Variants in B3GALT1 observed in about 807,000 individuals in gnomAD.
B3GALT1 encodes beta-1,3-galactosyltransferase 1, also known as UDP-Gal:betaGlcNAc beta 1,3-galactosyltransferase, polypeptide 1.
Under a neutral mutation model 23.2 loss-of-function variants are expected in B3GALT1, and 10 were observed. The observed-to-expected ratio is 0.43, with a 90% CI of 0.27 to 0.73. The LOEUF is 0.73. B3GALT1 is among the 30% of genes least tolerant of loss of function. The probability of loss-of-function intolerance (pLI) is 0.21; values close to 1 mark genes in which losing one functional copy is unlikely to be tolerated. For synonymous variants in B3GALT1, 156 were observed against 141.5 expected, an observed-to-expected ratio of 1.10 and a Z score of -0.73; for missense variants, 299 against 405.4, an observed-to-expected ratio of 0.74 and a Z score of 2.25.
chr2:167,512,555 T>TAC (rs1491248412), intron 2 of B3GALT1, among the ~76,000 whole-genome samples: 37 of 90,730 alleles, frequency 4.1e-4, no homozygotes, highest in East Asian at 2.4e-3. Context: ...TGTATATATA[T>TAC]GTATATATAT....
At chr2:167,625,945 A>G (rs1463424676) in intron 2 of B3GALT1, among the ~76,000 whole-genome samples, 1 of 11,530 alleles carries the variant, frequency 8.7e-5, no homozygotes, top group Non-Finnish European at 3.5e-4. Context: ...ACTAGGCCAT[A>G]TATATATATA....
chr2:167,713,714 A>G, intron 3 of B3GALT1: 1 of 1,526,006 alleles, frequency 6.6e-7, no homozygotes, highest in East Asian at 2.3e-5. Context: ...GGTGGAATCA[A>G]CCCTCAAGGG....
rs1450737221 is a variant in B3GALT1 at position 167,293,074 on chromosome 2, T to G, written c.-771T>G. 6.6e-6 allele frequency: 1 copy of G among 151,188 alleles called. No homozygotes were observed. Among genetic ancestry groups the G allele is most frequent in the African/African-American group, 2.4e-5 (1 of 41,310 alleles). The allele number at this position is 151,188 out of a possible 1,614,324, so 9.4% of individuals were successfully genotyped here. Reference sequence around the variant, plus strand: ...GCCGCGGCTGCTCGGCTAGTGCAGCTGGGCGAGCTCGCGCGGGCGCCGCCG... The same window carrying G: ...GCCGCGGCTGCTCGGCTAGTGCAGCGGGGCGAGCTCGCGCGGGCGCCGCCG... On this transcript the variant is annotated 5_prime_UTR_variant, in exon 1 of 5. Transcript: ENST00000392690.
chr2:167,739,958 G>T (rs1387888145), intron 3 of B3GALT1, among the ~76,000 whole-genome samples: 1 of 150,596 alleles, frequency 6.6e-6, no homozygotes, highest in East Asian at 2.0e-4. Flanking sequence ...AAAAATCTAG[G>T]CGTGGTGGTG....
chr2:167,551,376 G>T (rs571534455), intron 2 of B3GALT1, among the ~76,000 whole-genome samples: 1 of 152,244 alleles, frequency 6.6e-6, no homozygotes, highest in East Asian at 1.9e-4. Flanking sequence ...TTGGATAAGG[G>T]GGTAGAAAAA....
At chr2:167,696,799 G>A (rs904764923) in intron 3 of B3GALT1, among the ~76,000 whole-genome samples, 1 of 152,140 alleles carries the variant, frequency 6.6e-6, no homozygotes, top group African/African-American at 2.4e-5. Context: ...CTTCCAAGAA[G>A]ACTCGTCCAT....
At chr2:167,687,628 A>T (rs1039537613) in intron 3 of B3GALT1, among the ~76,000 whole-genome samples, 5 of 152,186 alleles carry the variant, frequency 3.3e-5, no homozygotes, top group African/African-American at 1.2e-4. Context: ...TATTAAAAAT[A>T]AAGAACATGG....
intron 1 of B3GALT1, among the ~76,000 whole-genome samples, chr2:167,370,826 T>G (rs1697672884): frequency 6.6e-6 from 1 of 152,000 alleles, no homozygotes; most frequent in Non-Finnish European, 1.5e-5. Context: ...CTCAGGAGGC[T>G]GAGGCAGGAG....
chr2:167,769,420 G>A (rs779303972), intron 3 of B3GALT1, among the ~76,000 whole-genome samples: 11 of 152,102 alleles, frequency 7.2e-5, no homozygotes, highest in Non-Finnish European at 1.0e-4. Context: ...TCTTTTTGAA[G>A]TATATGTACA....
chr2:167,331,088 AT>A lies in B3GALT1; in HGVS notation c.-511+37762del, dbSNP rs1446016351. Among the ~76,000 whole-genome samples the A allele has an allele frequency of 3.4e-4, 52 of 152,068 alleles. 2 individuals are homozygous for A. The East Asian group carries it at 8.5e-3, about 25-fold the overall frequency. On this transcript the variant is annotated intron_variant, in intron 1 of 4. Coordinates refer to ENST00000392690, the MANE Select transcript of B3GALT1 (RefSeq NM_020981.4). ...TACAGTAGTACAGTCTGGTGTTATGATTTTTTTTGGGGGGGTATGTAAATAG... is the reference window on the plus strand; with the variant it reads ...TACAGTAGTACAGTCTGGTGTTATGATTTTTTTGGGGGGGTATGTAAATAG...
At chr2:167,454,219 G>A (rs76297390) in intron 1 of B3GALT1, among the ~76,000 whole-genome samples, 3,793 of 140,162 alleles carry the variant, frequency 0.027, 154 homozygotes, top group African/African-American at 0.093. Context: ...GTGCGCACGC[G>A]CGCGTGCACG....
intron 1 of B3GALT1, among the ~76,000 whole-genome samples, chr2:167,336,773 T>C (rs1372476534): frequency 3.9e-5 from 6 of 152,160 alleles, no homozygotes; most frequent in African/African-American, 1.4e-4. Context: ...TATATATTGA[T>C]TTTTTCTTAA....
Position 167,869,120 on chromosome 2 carries a change from C to T in B3GALT1, c.81C>T (p.Arg27=). ...CTCTCTGGTACTTGAGTATAACTCG[C>T]CCTACTTCTTCTTACACTGGCTCCA... ...ASALWYLSIT[R]PTSSYTGSKP... The change falls in exon 5 of 5, where the codon CGC becomes CGT. Residue 27 remains arginine, a synonymous_variant. Transcript: ENST00000392690. The surrounding 1 kb of genome is among the most constrained non-coding windows in gnomAD (Gnocchi z 6.4). 6.2e-7 allele frequency: 1 copy of T among 1,614,126 alleles called. No individual in the cohort carries two copies. The highest frequency in any genetic ancestry group is 1.3e-5 in the African/African-American group (1 of 75,020).
chr2:167,652,008 T>G (rs1685877383), intron 3 of B3GALT1, among the ~76,000 whole-genome samples: 1 of 152,024 alleles, frequency 6.6e-6, no homozygotes, highest in South Asian at 2.1e-4. Flanking sequence ...TCTGAATGCT[T>G]ACAATAGACA....
chr2:167,869,573 C>T lies in B3GALT1; in HGVS notation c.534C>T (p.Ser178=), dbSNP rs763231079. The change falls in exon 5 of 5, where the codon AGC becomes AGT. Residue 178 remains serine, a synonymous_variant. Coordinates refer to ENST00000392690, the MANE Select transcript of B3GALT1 (RefSeq NM_020981.4). The surrounding 1 kb of genome is among the most constrained non-coding windows in gnomAD (Gnocchi z 6.4). The stretch of plus-strand genomic sequence containing the variant: ...CCAAGTATGTCATGAAAACAGACAG[C>T]GACATTTTTGTAAACATGGACAATC... The part of the protein sequence containing the change: ...SKAKYVMKTD[S]DIFVNMDNLI... 7.5e-5 allele frequency: 121 copies of T among 1,613,926 alleles called. No individual in the cohort carries two copies. Among genetic ancestry groups the T allele is most frequent in the Non-Finnish European group, 9.9e-5 (117 of 1,180,000 alleles).
At position 167,467,624 on chromosome 2, in the gene B3GALT1, G is replaced by A. The variant is rs181987918; in HGVS notation, c.-510-22553G>A. 5.4e-3 allele frequency among the ~76,000 whole-genome samples: 829 copies of A among 152,246 alleles called. 11 individuals carry two copies. The highest frequency in any genetic ancestry group is 0.019 in the African/African-American group (795 of 41,534). ...CATTCCGTGGTTAAGACAATGAGGA[G>A]ATTAACAAATTGGCTTTTAAATCAA... On this transcript the variant is annotated intron_variant, in intron 1 of 4. Transcript: ENST00000392690.
chr2:167,610,470 T>G (rs1331466581), intron 2 of B3GALT1, among the ~76,000 whole-genome samples: 1 of 152,042 alleles, frequency 6.6e-6, no homozygotes, highest in Admixed American at 6.6e-5. Flanking sequence ...AGTTAATAGT[T>G]TCAAAATGTA....
chr2:167,842,750 T>C (rs993980075), intron 4 of B3GALT1, among the ~76,000 whole-genome samples: 2 of 152,052 alleles, frequency 1.3e-5, no homozygotes, highest in Non-Finnish European at 2.9e-5. Context: ...GGCACACACC[T>C]GTAGTCCCAA....
intron 1 of B3GALT1, among the ~76,000 whole-genome samples, chr2:167,457,587 T>G (rs1699191246): frequency 6.6e-6 from 1 of 152,062 alleles, no homozygotes; most frequent in Non-Finnish European, 1.5e-5. Context: ...TGTAGCAGCT[T>G]TTCCATAATC....
Sources: gnomAD v4.1 joint callset for allele counts (sites outside exome capture counted in the v4.1 genomes callset) on GRCh38, gnomAD v4.1.1 for gene constraint, Gnocchi (gnomAD v3.1) non-coding constraint, MANE v1.5 for transcripts, NCBI Gene and HGNC (gene_info 2026-07-23, HGNC 2026-07-21) for gene names.